The following RYR3 variants were observed in gnomAD, a reference collection of about 807,000 sequenced individuals.
RYR3 encodes ryanodine receptor 3.
RYR3 carries 207 observed loss-of-function variants against 584.3 expected under a neutral mutation model. The observed-to-expected ratio is 0.35, with a 90% CI of 0.32 to 0.40. The LOEUF (loss-of-function observed/expected upper bound fraction) is 0.40. RYR3 is among the 10% of genes least tolerant of loss of function. The probability of loss-of-function intolerance (pLI) is 1.00; values close to 1 mark genes in which losing one functional copy is unlikely to be tolerated. For synonymous variants in RYR3, 2,416 were observed against 2,248.5 expected, an observed-to-expected ratio of 1.07 and a Z score of -2.11; for missense variants, 5,616 against 6,089.2, an observed-to-expected ratio of 0.92 and a Z score of 2.59.
chr15:33,722,664 T>A (rs887140520), intron 43 of RYR3, 51 bp from the exon 44 acceptor site: 1 of 1,515,272 alleles, frequency 6.6e-7, no homozygotes, highest in African/African-American at 1.4e-5. Flanking sequence ...TAGAAATAAA[T>A]TCTGGGGTTG....
chr15:33,790,001 T>C (rs1185396276), intron 67 of RYR3, among the ~76,000 whole-genome samples: 1 of 99,956 alleles, frequency 1.0e-5, no homozygotes, highest in Non-Finnish European at 2.0e-5. Context: ...TTTTTTTTTT[T>C]TTTTTTTTGA....
At chr15:33,850,838 G>T (rs1354740921) in intron 94 of RYR3, 1 of 152,042 alleles carries the variant, frequency 6.6e-6, no homozygotes, top group Non-Finnish European at 1.5e-5. Context: ...CTACATTTTT[G>T]ATGTTCATTA....
intron 89 of RYR3, chr15:33,840,519 T>G (rs2078291483): frequency 2.6e-6 from 1 of 379,944 alleles, no homozygotes; most frequent in Admixed American, 4.4e-5. Flanking sequence ...CATGTCTTTC[T>G]GACCCTGTGG....
chr15:33,784,300 C>T (rs182354266), intron 65 of RYR3, among the ~76,000 whole-genome samples: 154 of 152,334 alleles, frequency 1.0e-3, no homozygotes, highest in Non-Finnish European at 1.7e-3. Context: ...TTTGGTATGG[C>T]CTCTCCTATT....
In RYR3 at chr15:33,722,259, G is replaced by A. The variant is rs533680924; in HGVS notation, c.6620-456G>A. On this transcript the variant is annotated intron_variant, in intron 43 of 103. Transcript: ENST00000634891. ...AAGATGTAAAGTCCTTCTGTTCTCT[G>A]AGTCACTTGTGAATGAATCAGTATT... 7.2e-5 allele frequency among the ~76,000 whole-genome samples: 11 copies of A among 152,282 alleles called. No homozygotes were observed. In the East Asian group the frequency reaches 1.5e-3, roughly 21 times the overall value.
chr15:33,440,732 T>C (rs772814593), intron 1 of RYR3, among the ~76,000 whole-genome samples: 17 of 152,234 alleles, frequency 1.1e-4, no homozygotes, highest in East Asian at 1.9e-4. Context: ...GAGGTTCTAT[T>C]TCAACTTGGT....
intron 67 of RYR3, among the ~76,000 whole-genome samples, chr15:33,788,882 GC>G (rs1468233902): frequency 6.6e-6 from 1 of 152,198 alleles, no homozygotes; most frequent in Non-Finnish European, 1.5e-5. Flanking sequence ...TCTTTCTGGG[GC>G]TAGGAGAGGT....
chr15:33,337,199 G>T (rs1971227776), intron 1 of RYR3, among the ~76,000 whole-genome samples: 1 of 150,708 alleles, frequency 6.6e-6, no homozygotes, highest in Non-Finnish European at 1.5e-5. Flanking sequence ...AGAATATTTT[G>T]AACTACTTTG....
intron 74 of RYR3, among the ~76,000 whole-genome samples, chr15:33,816,534 C>A (rs1403373266): frequency 1.3e-5 from 2 of 152,180 alleles, no homozygotes; most frequent in African/African-American, 2.4e-5. Flanking sequence ...GCAAATACTT[C>A]AGGACTGTTA....
At chr15:33,586,540 G>C (rs2058856154) in intron 16 of RYR3, among the ~76,000 whole-genome samples, 1 of 152,136 alleles carries the variant, frequency 6.6e-6, no homozygotes, top group African/African-American at 2.4e-5. Flanking sequence ...AACATGGTTT[G>C]TTATTAAACA....
At chr15:33,432,605 CTTTT>C (rs59006387) in intron 1 of RYR3, among the ~76,000 whole-genome samples, 19 of 129,094 alleles carry the variant, frequency 1.5e-4, no homozygotes, top group African/African-American at 5.6e-4. Flanking sequence ...TTTTTTCTTT[CTTTT>C]TTTTTTTTTT....
intron 1 of RYR3, among the ~76,000 whole-genome samples, chr15:33,382,319 CTTTTTTT>C (rs34767570): frequency 1.9e-4 from 20 of 104,770 alleles, no homozygotes; most frequent in Non-Finnish European, 2.5e-4. Flanking sequence ...TTAAAAGTGG[CTTTTTTT>C]TTTTTTTTTT....
intron 12 of RYR3, among the ~76,000 whole-genome samples, chr15:33,568,475 G>GT (rs564366948): frequency 0.032 from 4,767 of 148,244 alleles, 78 homozygotes; most frequent in Middle Eastern, 0.064. Context: ...TTTATTTTTT[G>GT]TTTTTTTTTT....
chr15:33,644,289 G>A (rs776171948), intron 27 of RYR3, 22 bp from the exon 28 acceptor site: 1 of 1,592,046 alleles, frequency 6.3e-7, no homozygotes, highest in Non-Finnish European at 8.6e-7. Flanking sequence ...GGCTAAAGCA[G>A]GTCTCTCTAA....
At chr15:33,789,624 TTATATATATATATATATATATA>T (rs1567174689) in intron 67 of RYR3, among the ~76,000 whole-genome samples, 1 of 11,694 alleles carries the variant, frequency 8.6e-5, no homozygotes, top group Non-Finnish European at 1.7e-4. Flanking sequence ...AGGTTTTATT[TTATATATATATATATATATATA>T]TATATATATA....
In RYR3 at chr15:33,848,415, A is replaced by G. The variant is rs1284014430; in HGVS notation, c.13622A>G (p.Asn4541Ser). The G allele has an allele frequency of 1.9e-6, 3 of 1,612,438 alleles. No individual in the cohort carries two copies. The highest frequency in any genetic ancestry group is 2.7e-5 in the African/African-American group (2 of 74,866). Residue 4541 changes from asparagine (N) to serine (S), a missense_variant, in exon 94 of 104, where the codon AAC becomes AGC. Around this residue, in one of 9 missense-constraint regions of RYR3, gnomAD observed 918 missense variants for 887.4 expected, o/e 1.03. Transcript: ENST00000634891. ...IKGQWDRLVI[N>S]TPSFPNNYWD... ...GGGCAGTGGGACCGCTTGGTGATCA[A>G]CACACCGTGAGTGTCCCTCTACCCC...
chr15:33,437,113 ATAGAGT>A (rs1435232815), intron 1 of RYR3, among the ~76,000 whole-genome samples: 7 of 128,120 alleles, frequency 5.5e-5, no homozygotes, highest in Non-Finnish European at 9.5e-5. Flanking sequence ...AGAGAGAGAG[ATAGAGT>A]GTGTGTGTGT....
At position 33,683,903 on chromosome 15, in the gene RYR3, G is replaced by A. The variant is rs546749321; in HGVS notation, c.5861-12315G>A. On this transcript the variant is annotated intron_variant, in intron 38 of 103. Transcript: ENST00000634891. ...ACTGCTGGAGCAGCAGTCTGAGATC[G>A]AATTGCAAGGCGGCAGCCTGGCAGG... Among the ~76,000 whole-genome samples the A allele has an allele frequency of 3.7e-4, 56 of 152,364 alleles. 1 individual carries two copies. The Middle Eastern group carries it at 0.014, about 37-fold the overall frequency.
intron 16 of RYR3, among the ~76,000 whole-genome samples, chr15:33,597,593 A>G (rs1436981741): frequency 6.8e-6 from 1 of 146,734 alleles, no homozygotes; most frequent in Non-Finnish European, 1.5e-5. Context: ...CCTGGGCGAC[A>G]GTGCAACAGT....
Sources: allele counts gnomAD v4.1 joint callset (sites outside exome capture counted in the v4.1 genomes callset), GRCh38; gene constraint gnomAD v4.1.1; regional missense constraint gnomAD v4.1.1; transcripts MANE v1.5; gene names NCBI Gene and HGNC (gene_info 2026-07-23, HGNC 2026-07-21).